The following TCEA2 variants were observed in gnomAD, a reference collection of about 807,000 sequenced individuals.
The protein encoded by TCEA2 is transcription elongation factor A protein 2.
A neutral mutation model predicts 40.8 loss-of-function variants in TCEA2; 21 were observed. The observed-to-expected ratio is 0.51, with a 90% CI of 0.36 to 0.74. TCEA2 has a LOEUF of 0.74. Among genes scored for constraint, TCEA2 ranks in the 30% least tolerant of loss-of-function variants. The pLI, the probability that TCEA2 is intolerant of heterozygous loss-of-function variation, is 0.00. For synonymous variants in TCEA2, 165 were observed against 162.7 expected, an observed-to-expected ratio of 1.01 and a Z score of -0.11; for missense variants, 326 against 426.5, an observed-to-expected ratio of 0.76 and a Z score of 2.08.
intron 1 of TCEA2, 63 bp downstream of exon 1, chr20:64,063,447 C>T: frequency 2.6e-6 from 4 of 1,520,798 alleles, no homozygotes; most frequent in Non-Finnish European, 2.7e-6. Flanking sequence ...GTCGAGCCCG[C>T]CGACCCCCGT....
chr20:64,068,132 C>A lies in TCEA2; in HGVS notation c.327C>A (p.Pro109=). 1 of 1,607,440 alleles carries A rather than the reference C, an allele frequency of 6.2e-7. No homozygotes were observed. ...SSRDASEAPD[P]SRKRPELPRA... is the part of the protein sequence containing the mutation. Reference sequence around the variant, plus strand: ...GGGATGCCTCAGAGGCCCCGGATCCCAGGTAGCACACCTGGAAGGCAGGTG... The same window carrying A: ...GGGATGCCTCAGAGGCCCCGGATCCAAGGTAGCACACCTGGAAGGCAGGTG... The change falls in exon 4 of 10, where the codon CCC becomes CCA. Residue 109 remains proline, a splice_region_variant and synonymous_variant. Coordinates refer to ENST00000343484, the MANE Select transcript of TCEA2 (RefSeq NM_003195.6).
upstream of TCEA2, among the ~76,000 whole-genome samples, chr20:64,060,503 G>A (rs955595267): frequency 3.9e-5 from 6 of 152,190 alleles, no homozygotes; most frequent in Non-Finnish European, 7.3e-5. Context: ...CTGGCTGTCA[G>A]CCATTGAGAC....
chr20:64,060,157 C>T (rs1307172566), upstream of TCEA2, among the ~76,000 whole-genome samples: 2 of 152,250 alleles, frequency 1.3e-5, no homozygotes, highest in African/African-American at 4.8e-5. Flanking sequence ...TCTGTGCTGT[C>T]TGGGCTGCAC....
At chr20:64,070,041 G>A (rs769325129) in intron 6 of TCEA2, 6 of 880,538 alleles carry the variant, frequency 6.8e-6, no homozygotes, top group Non-Finnish European at 1.1e-5. Context: ...TAGGTCCCCT[G>A]GGGCTGTAGC....
chr20:64,061,081 G>A (rs918139788), upstream of TCEA2, among the ~76,000 whole-genome samples: 11 of 135,550 alleles, frequency 8.1e-5, no homozygotes, highest in East Asian at 7.5e-4. Context: ...ATGAGCCACC[G>A]CGCCCAGCCT....
At chr20:64,061,449 G>A (rs558932055), upstream of TCEA2, among the ~76,000 whole-genome samples, 1 of 152,156 alleles carries the variant, frequency 6.6e-6, no homozygotes, top group African/African-American at 2.4e-5. Context: ...CTAATTTTTT[G>A]TATTTTTAGT....
At chr20:64,070,856 G>C (rs41308094) in intron 8 of TCEA2, among the ~76,000 whole-genome samples, 1 of 152,214 alleles carries the variant, frequency 6.6e-6, no homozygotes, top group Non-Finnish European at 1.5e-5. Context: ...GGACCCACTT[G>C]TTGCGGATAC....
At chr20:64,059,863 C>G (rs1417088703), upstream of TCEA2, among the ~76,000 whole-genome samples, 1 of 152,164 alleles carries the variant, frequency 6.6e-6, no homozygotes, top group African/African-American at 2.4e-5. Flanking sequence ...GTCTGGTTTT[C>G]CGGGGGCGTC....
rs758030338 is a variant in TCEA2 at position 64,069,391 on chromosome 20, G to A, written c.360G>A (p.Pro120=). 5.0e-6 allele frequency: 8 copies of A among 1,605,580 alleles called. No individual in the cohort carries two copies. The Middle Eastern group carries it at 4.9e-4, about 99-fold the overall frequency. The part of the protein sequence containing the change: ...SRKRPELPRA[P]STPRITTFPP... ...AGAGGCCGGAGCTGCCCAGGGCACC[G>A]TCGACTCCGAGGATCACCACATTTC... Residue 120 remains proline, a synonymous_variant, in exon 5 of 10, where the codon CCG becomes CCA. Transcript: ENST00000343484.
intron 4 of TCEA2, among the ~76,000 whole-genome samples, chr20:64,068,779 G>A (rs2059755595): frequency 6.6e-6 from 1 of 152,270 alleles, no homozygotes; most frequent in Non-Finnish European, 1.5e-5. Flanking sequence ...GGGGATGAGG[G>A]GAGGGCTAGG....
chr20:64,055,737 G>A (rs1160531262), upstream of TCEA2, among the ~76,000 whole-genome samples: 2 of 152,114 alleles, frequency 1.3e-5, no homozygotes, highest in Non-Finnish European at 2.9e-5. The surrounding 1 kb of genome is among the most constrained non-coding windows in gnomAD (Gnocchi z 4.0). Flanking sequence ...GGGGCTGTGC[G>A]GGGCAGGAGG....
rs747437242 is a variant in TCEA2, at chr20:64,070,681, G to A, written c.819+46G>A. On this transcript the variant is annotated intron_variant, in intron 8 of 9. Transcript: ENST00000343484. Reference sequence around the variant, plus strand: ...CTCCCCCGGGCCCGGTGTCTTCAGGGCATCTGGTGCCCCTCCTTGGAGCCC... The same window carrying A: ...CTCCCCCGGGCCCGGTGTCTTCAGGACATCTGGTGCCCCTCCTTGGAGCCC... 4.1e-6 allele frequency: 6 copies of A among 1,478,382 alleles called. No homozygotes were observed. The South Asian group carries it at 8.2e-5, about 20-fold the overall frequency. 91.6% of individuals were successfully genotyped at this position (1,478,382 alleles called of 1,614,324 possible).
intron 8 of TCEA2, 77 bp downstream of exon 8, chr20:64,070,712 T>C: frequency 6.9e-7 from 1 of 1,449,372 alleles, no homozygotes; most frequent in Non-Finnish European, 9.1e-7. Context: ...AGCCCATGCC[T>C]ATTCCCGCCT....
upstream of TCEA2, chr20:64,057,006 TG>T (rs1008189107): frequency 3.8e-4 from 58 of 152,254 alleles, no homozygotes; most frequent in African/African-American, 1.4e-3. Flanking sequence ...GAGGAGGAGA[TG>T]GAACCCTCCT....
chr20:64,059,062 G>A (rs1023592853), upstream of TCEA2, among the ~76,000 whole-genome samples: 3 of 152,082 alleles, frequency 2.0e-5, no homozygotes, highest in Admixed American at 6.5e-5. Flanking sequence ...GTGTGGTGGC[G>A]CATGCCTGTA....
At chr20:64,058,852 G>A (rs1026880701), upstream of TCEA2, among the ~76,000 whole-genome samples, 4 of 152,092 alleles carry the variant, frequency 2.6e-5, no homozygotes, top group African/African-American at 7.2e-5. This position sits in a 1 kb window ranked among gnomAD's most constrained non-coding sequence, Gnocchi z 6.7. Context: ...TCATGGCCTC[G>A]TTCATAACTG....
intron 4 of TCEA2, among the ~76,000 whole-genome samples, chr20:64,069,116 G>C (rs1213162822): frequency 6.6e-6 from 1 of 152,258 alleles, no homozygotes; most frequent in East Asian, 1.9e-4. Flanking sequence ...CCCACCTGGA[G>C]AGTACACCCT....
Position 64,071,124 on chromosome 20 carries a change from C to T in TCEA2, c.819+489C>T, listed in dbSNP as rs187210160. ...CAGCACTTTGGGAGGCCGAGGCAGG[C>T]GGATAATGAGGTCAGGAGTTCGAGA... On this transcript the variant is annotated intron_variant, in intron 8 of 9. Transcript: ENST00000343484. Among the ~76,000 whole-genome samples, 26 of 152,098 alleles carry T rather than the reference C, an allele frequency of 1.7e-4. No homozygotes were observed. In the East Asian group the frequency reaches 4.3e-3, roughly 25 times the overall value.
Position 64,070,519 on chromosome 20 carries a change from C to T in TCEA2, c.703C>T (p.Arg235Cys), listed in dbSNP as rs1486658318. ...GGCCAGTGATGAGCTGAAGGAGATCCGTAAGGCCATGACCAAGGAGGCCAT... is the reference window on the plus strand; with the variant it reads ...GGCCAGTGATGAGCTGAAGGAGATCTGTAAGGCCATGACCAAGGAGGCCAT... ...EMASDELKEI[R>C]KAMTKEAIRE... Residue 235 changes from arginine to cysteine, a missense_variant, in exon 8 of 10, where the codon CGT becomes TGT. By Grantham distance (180) the Arg-to-Cys change is radical. Transcript: ENST00000343484. 9.9e-6 allele frequency: 16 copies of T among 1,613,826 alleles called. No individual in the cohort carries two copies. The highest frequency in any genetic ancestry group is 2.2e-5 in the South Asian group (2 of 91,088).
Sources: gnomAD v4.1 joint callset for allele counts (sites outside exome capture counted in the v4.1 genomes callset) on GRCh38, gnomAD v4.1.1 for gene constraint, Gnocchi (gnomAD v3.1) non-coding constraint, MANE v1.5 for transcripts, NCBI Gene and HGNC (gene_info 2026-07-23, HGNC 2026-07-21) for gene names.